FADS2: variants seen among roughly 807,000 people sequenced by gnomAD.
The protein encoded by FADS2 is fatty acid desaturase 2.
A neutral mutation model predicts 61.2 loss-of-function variants in FADS2; 18 were observed. The observed-to-expected ratio is 0.29, with a 90% CI of 0.20 to 0.44. The LOEUF (loss-of-function observed/expected upper bound fraction) is 0.44, where lower values mean the gene tolerates loss of function less well. Among genes scored for constraint, FADS2 ranks in the 20% least tolerant of loss-of-function variants. The pLI is 1.00. For missense variants in FADS2, 322 were observed against 572.7 expected (o/e 0.56, Z 4.47); for synonymous variants, 203 against 223.9 (o/e 0.91, Z 0.83).
chr11:61,859,649 T>TA (rs2067396046), intron 7 of FADS2, among the ~76,000 whole-genome samples: 1 of 152,192 alleles, frequency 6.6e-6, no homozygotes, highest in Non-Finnish European at 1.5e-5. Flanking sequence ...TTATACATGT[T>TA]ACACCCTCTC....
intron 5 of FADS2, chr11:61,854,139 A>G (rs73487492): frequency 0.19 from 29,584 of 152,338 alleles, 5,492 homozygotes; most frequent in African/African-American, 0.48. Flanking sequence ...CAGCCCAGCC[A>G]GGTGAAAGTC....
intron 10 of FADS2, chr11:61,864,141 G>A (rs1485928930): frequency 4.0e-6 from 1 of 247,094 alleles, no homozygotes; most frequent in Non-Finnish European, 7.8e-6. Flanking sequence ...CATCGGCCGA[G>A]GGACTGCCCT....
At chr11:61,864,551 G>A (rs1052529363) in intron 10 of FADS2, among the ~76,000 whole-genome samples, 7 of 151,960 alleles carry the variant, frequency 4.6e-5, no homozygotes, top group African/African-American at 7.3e-5. Context: ...GTGCCACCAC[G>A]CCCAGCTAAT....
chr11:61,826,099 C>T, upstream of FADS2: 1 of 702,652 alleles, frequency 1.4e-6, no homozygotes, highest in South Asian at 1.5e-5. Context: ...GATCTGATCA[C>T]AGTACACCTG....
rs1296296613 is a variant in FADS2 at position 61,816,742 on chromosome 11, A to G, written c.141+316A>G. The G allele has an allele frequency of 6.4e-7, 1 of 1,552,578 alleles. No individual in the cohort carries two copies. The highest frequency in any genetic ancestry group is 8.7e-7 in the Non-Finnish European group (1 of 1,149,924). On this transcript the variant is annotated intron_variant, in intron 1 of 11. Transcript: ENST00000257261. The surrounding 1 kb of genome is among the most constrained non-coding windows in gnomAD (Gnocchi z 7.0). Reference sequence around the variant, plus strand: ...TCCCTGAGCCGCGGTCTCGGCGGCCACCGGGTCGGGGGCCATAGCTGGCCT... The same window carrying G: ...TCCCTGAGCCGCGGTCTCGGCGGCCGCCGGGTCGGGGGCCATAGCTGGCCT...
intron 2 of FADS2, 146 bp from the exon 3 acceptor site, chr11:61,840,187 TC>T: frequency 1.5e-6 from 1 of 677,324 alleles, no homozygotes; most frequent in Admixed American, 2.1e-5. Context: ...TTGTAGGGAC[TC>T]CTGGAGGGTC....
In FADS2 at chr11:61,863,529, G is replaced by A. The variant is rs149712792; in HGVS notation, c.1077+151G>A. The A allele has an allele frequency of 9.0e-4, 715 of 790,652 alleles. 2 individuals are homozygous for A. In the African/African-American group the frequency reaches 0.011, roughly 12 times the overall value. 49.0% of individuals were successfully genotyped at this position (790,652 alleles called of 1,614,324 possible). ...GAGCTTCAGGGCTGAGCAAGAAAGGGCAGCAGGAATCCCCCAGAGGGACAG... is the reference window on the plus strand; with the variant it reads ...GAGCTTCAGGGCTGAGCAAGAAAGGACAGCAGGAATCCCCCAGAGGGACAG... On this transcript the variant is annotated intron_variant, in intron 9 of 11. Coordinates refer to ENST00000278840, the MANE Select transcript of FADS2 (RefSeq NM_004265.4).
chr11:61,853,290 C>CCTTCCTT lies in FADS2; in HGVS notation c.745-3720_745-3719insTTCCTTC, dbSNP rs2067325768. 1.1e-3 allele frequency among the ~76,000 whole-genome samples: 89 copies of CCTTCCTT among 81,746 alleles called. 1 individual carries two copies. The highest frequency in any genetic ancestry group is 1.3e-3 in the Non-Finnish European group (61 of 45,210). The allele number at this position is 81,746 out of a possible 152,430, so 53.6% of individuals were successfully genotyped here. A position where few individuals can be genotyped will look rare whatever the true frequency, so the allele number is the denominator to read the frequency against. On this transcript the variant is annotated intron_variant, in intron 5 of 11. Transcript: ENST00000278840. Reference sequence around the variant, plus strand: ...CCCTCCCTCCCTTCCCTCCCTCCCTCCCTTCCTTCCTTCCTTCCTTCCTTC... The same window carrying CCTTCCTT: ...CCCTCCCTCCCTTCCCTCCCTCCCTCCTTCCTTCCTTCCTTCCTTCCTTCCTTCCTTC...
chr11:61,857,529 T>C lies in FADS2; in HGVS notation c.881T>C (p.Val294Ala). ...ACCATGATCGTCCATAAGAACTGGG[T>C]GGTGAGTTGGGGACACAGCTGGCTT... ...IMTMIVHKNW[V>A]DLAWAVSYYI... The change falls in exon 7 of 12, where the codon GTG becomes GCG. Residue 294 changes from valine to alanine, a missense_variant and splice_region_variant. This residue lies in a region of FADS2 where 221 missense variants were observed against 427.9 expected (regional missense o/e 0.52). Transcript: ENST00000278840. 1 of 1,612,752 alleles carries C rather than the reference T, an allele frequency of 6.2e-7. No individual in the cohort carries two copies. Among genetic ancestry groups the C allele is most frequent in the Non-Finnish European group, 8.5e-7 (1 of 1,179,128 alleles).
At chr11:61,849,893 T>TAGTGGTGTGCGTCTGTGGTCCCAGGTGC (rs1293053653) in intron 5 of FADS2, 4 of 151,446 alleles carry the variant, frequency 2.6e-5, no homozygotes, top group Non-Finnish European at 5.9e-5. Flanking sequence ...TAGCCAGGTG[T>TAGTGGTGTGCGTCTGTGGTCCCAGGTGC]AGTGGTGTGC....
intron 1 of FADS2, among the ~76,000 whole-genome samples, chr11:61,831,118 A>G (rs2067125027): frequency 1.3e-5 from 2 of 152,060 alleles, no homozygotes; most frequent in African/African-American, 4.8e-5. Context: ...TAAACTGTCC[A>G]GGACCAGGTT....
chr11:61,832,782 T>G (rs2067139786), intron 1 of FADS2, among the ~76,000 whole-genome samples: 1 of 152,244 alleles, frequency 6.6e-6, no homozygotes, highest in African/African-American at 2.4e-5. Flanking sequence ...CTCCACACTC[T>G]TAGATCACTT....
intron 1 of FADS2, among the ~76,000 whole-genome samples, chr11:61,823,272 G>A (rs1162130505): frequency 6.6e-6 from 1 of 152,184 alleles, no homozygotes; most frequent in Non-Finnish European, 1.5e-5. Flanking sequence ...AAGGAAGGGA[G>A]GCAATGTGGT....
At chr11:61,818,352 C>A (rs1407612780) in intron 1 of FADS2, among the ~76,000 whole-genome samples, 6 of 152,182 alleles carry the variant, frequency 3.9e-5, no homozygotes, top group Non-Finnish European at 5.9e-5. Context: ...GAATGATGGT[C>A]CACACAGCTG....
chr11:61,831,996 C>T (rs2067135060), intron 1 of FADS2, among the ~76,000 whole-genome samples: 1 of 152,204 alleles, frequency 6.6e-6, no homozygotes, highest in East Asian at 1.9e-4. Context: ...GTCTCCATGG[C>T]TCTGAGCTGG....
chr11:61,842,284 G>C (rs1163298504), intron 4 of FADS2, among the ~76,000 whole-genome samples: 1 of 152,244 alleles, frequency 6.6e-6, no homozygotes. Context: ...GAAGCGGCCT[G>C]AGAACCTGGT....
intron 2 of FADS2, among the ~76,000 whole-genome samples, chr11:61,838,236 C>T (rs1020518727): frequency 3.3e-5 from 5 of 152,058 alleles, no homozygotes; most frequent in East Asian, 3.9e-4. Flanking sequence ...GTGTGTGGTC[C>T]GGGGCACCTC....
chr11:61,863,548 G>C (rs2067435152), intron 9 of FADS2, among the ~76,000 whole-genome samples, 159 bp from the exon 10 acceptor site: 1 of 152,186 alleles, frequency 6.6e-6, no homozygotes, highest in Non-Finnish European at 1.5e-5. Context: ...ATCCCCCAGA[G>C]GGACAGGTGG....
chr11:61,824,209 C>G (rs2067051901), upstream of FADS2, among the ~76,000 whole-genome samples: 1 of 151,704 alleles, frequency 6.6e-6, no homozygotes, highest in Non-Finnish European at 1.5e-5. Flanking sequence ...TGGAGAAACC[C>G]TGTCTCTACT....
Sources: gnomAD v4.1 joint callset for allele counts (sites outside exome capture counted in the v4.1 genomes callset) on GRCh38, gnomAD v4.1.1 for gene constraint, gnomAD v4.1.1 regional missense constraint, Gnocchi (gnomAD v3.1) non-coding constraint, MANE v1.5 for transcripts, NCBI Gene and HGNC (gene_info 2026-07-23, HGNC 2026-07-21) for gene names.